The following KCNQ1OT1 variants were observed in gnomAD, a reference collection of about 807,000 sequenced individuals.
KCNQ1OT1 encodes the protein KCNQ1 antisense RNA 2 (non-protein coding).
Position 2,668,146 on chromosome 11 carries a change from G to A in KCNQ1OT1, n.31849C>T. ...GGCAGCCTCTCTATGGGGCTGAAGG[G>A]AGAGTGCTCCCTCATGCTCCTTGCT... On this transcript the variant is annotated non_coding_transcript_exon_variant, in exon 1 of 1. Transcript: ENST00000597346. The surrounding 1 kb of genome is among the most constrained non-coding windows in gnomAD (Gnocchi z 4.3). 2.5e-6 allele frequency: 1 copy of A among 398,646 alleles called. No homozygotes were observed. The highest frequency in any genetic ancestry group is 6.3e-4 in the Middle Eastern group (1 of 1,588). 24.7% of individuals were successfully genotyped at this position (398,646 alleles called of 1,614,324 possible).
At position 2,614,401 on chromosome 11, in the gene KCNQ1OT1, T is replaced by G. The variant is rs549087275; in HGVS notation, n.85594A>C. The G allele has an allele frequency of 4.3e-5, 17 of 398,602 alleles. No individual in the cohort carries two copies. In the Admixed American group the frequency reaches 6.6e-4, roughly 15 times the overall value. The allele number at this position is 398,602 out of a possible 1,614,324, so 24.7% of individuals were successfully genotyped here. A position where few individuals can be genotyped will look rare whatever the true frequency, so the allele number is the denominator to read the frequency against. ...CCATTTCAAAATGTACAATTCAGTG[T>G]CACTTAGTACATTTACAATATTGTG... is the stretch of plus-strand genomic sequence containing the variant. On this transcript the variant is annotated non_coding_transcript_exon_variant, in exon 1 of 1. Coordinates refer to ENST00000597346, the Ensembl canonical transcript of KCNQ1OT1.
exon 1 of KCNQ1OT1, chr11:2,675,333 C>T (rs1850274740): frequency 2.5e-6 from 1 of 398,320 alleles, no homozygotes; most frequent in Admixed American, 4.4e-5. Context: ...GGATCTAAGT[C>T]ATATTTTTTT....
At position 2,608,598 on chromosome 11, in the gene KCNQ1OT1, A is replaced by G. The variant is rs1301642593; in HGVS notation, n.91397T>C. 8 of 398,356 alleles carry G rather than the reference A, an allele frequency of 2.0e-5. No individual in the cohort carries two copies. Among genetic ancestry groups the G allele is most frequent in the Non-Finnish European group, 3.1e-5 (7 of 226,062 alleles). The allele number at this position is 398,356 out of a possible 1,614,324, so 24.7% of individuals were successfully genotyped here. A position where few individuals can be genotyped will look rare whatever the true frequency, so the allele number is the denominator to read the frequency against. On this transcript the variant is annotated non_coding_transcript_exon_variant, in exon 1 of 1. Transcript: ENST00000597346. The surrounding 1 kb of genome is among the most constrained non-coding windows in gnomAD (Gnocchi z 4.6). Reference sequence around the variant, plus strand: ...TCAAGTGATCCTTGCCCCTTAGCCTATGACAGGTGTGCACCACAACACCAG... The same window carrying G: ...TCAAGTGATCCTTGCCCCTTAGCCTGTGACAGGTGTGCACCACAACACCAG...
exon 1 of KCNQ1OT1, chr11:2,628,321 T>C (rs1176671996): frequency 1.0e-5 from 4 of 398,606 alleles, no homozygotes; most frequent in East Asian, 3.6e-5. Flanking sequence ...TTTTTGATAA[T>C]AGCGATTCTA....
In KCNQ1OT1 at chr11:2,657,491, AT is replaced by A. The variant is rs1849870770; in HGVS notation, n.42503del. The A allele has an allele frequency of 2.5e-6, 1 of 398,478 alleles. No individual in the cohort carries two copies. The highest frequency in any genetic ancestry group is 4.4e-6 in the Non-Finnish European group (1 of 226,012). The allele number at this position is 398,478 out of a possible 1,614,324, so 24.7% of individuals were successfully genotyped here. ...GTTCTGTTTTCTCTTGTTACCTCAC[AT>A]TTTTTATTTACAGAAGAGAAACAAA... is the stretch of plus-strand genomic sequence containing the variant. On this transcript the variant is annotated non_coding_transcript_exon_variant, in exon 1 of 1. Transcript: ENST00000597346. The surrounding 1 kb of genome is among the most constrained non-coding windows in gnomAD (Gnocchi z 4.8).
chr11:2,608,677 TATTCTTGAACTCCTGGCCACAAGCA>T lies in KCNQ1OT1; in HGVS notation n.91293_91317del, dbSNP rs572426148. 2.1e-3 allele frequency: 855 copies of T among 398,642 alleles called. 5 individuals carry two copies. Among genetic ancestry groups the T allele is most frequent in the African/African-American group, 0.016 (795 of 48,714 alleles). The allele number at this position is 398,642 out of a possible 1,614,324, so 24.7% of individuals were successfully genotyped here. A position where few individuals can be genotyped will look rare whatever the true frequency, so the allele number is the denominator to read the frequency against. ...TAGGGTCTTGCTTTGTTGTGCATGC[TATTCTTGAACTCCTGGCCACAAGCA>T]ATTCTCGAACTCCTGGCCACAAGCA... On this transcript the variant is annotated non_coding_transcript_exon_variant, in exon 1 of 1. Transcript: ENST00000597346. The surrounding 1 kb of genome is among the most constrained non-coding windows in gnomAD (Gnocchi z 4.6).
Position 2,611,147 on chromosome 11 carries a change from G to T in KCNQ1OT1, n.88848C>A, listed in dbSNP as rs554756109. On this transcript the variant is annotated non_coding_transcript_exon_variant, in exon 1 of 1. Coordinates refer to ENST00000597346, the Ensembl canonical transcript of KCNQ1OT1. This position sits in a 1 kb window ranked among gnomAD's most constrained non-coding sequence, Gnocchi z 5.3. The stretch of plus-strand genomic sequence containing the variant: ...TTCTTCCTGTTAAATTTTCCCTTTT[G>T]TCATTGTAAAATGCTTCTCAGTATC... 3 of 398,246 alleles carry T rather than the reference G, an allele frequency of 7.5e-6. No homozygotes were observed. Among genetic ancestry groups the T allele is most frequent in the African/African-American group, 4.1e-5 (2 of 48,616 alleles). 24.7% of individuals were successfully genotyped at this position (398,246 alleles called of 1,614,324 possible).
chr11:2,623,274 C>A lies in KCNQ1OT1; in HGVS notation n.76721G>T, dbSNP rs1849204304. 1 of 398,626 alleles carries A rather than the reference C, an allele frequency of 2.5e-6. No homozygotes were observed. Among genetic ancestry groups the A allele is most frequent in the African/African-American group, 2.1e-5 (1 of 48,628 alleles). The allele number at this position is 398,626 out of a possible 1,614,324, so 24.7% of individuals were successfully genotyped here. On this transcript the variant is annotated non_coding_transcript_exon_variant, in exon 1 of 1. Coordinates refer to ENST00000597346, the Ensembl canonical transcript of KCNQ1OT1. This position sits in a 1 kb window ranked among gnomAD's most constrained non-coding sequence, Gnocchi z 5.2. ...TGAGTCAATTAAACCTCTTTTCTCA[C>A]AAATTACCCAGTCTCAGGTAGTTCT...
Position 2,661,248 on chromosome 11 carries a change from A to C in KCNQ1OT1, n.38747T>G. The C allele has an allele frequency of 2.5e-6, 1 of 399,192 alleles. No individual in the cohort carries two copies. Among genetic ancestry groups the C allele is most frequent in the South Asian group, 1.3e-4 (1 of 7,876 alleles). 24.7% of individuals were successfully genotyped at this position (399,192 alleles called of 1,614,324 possible). Reference sequence around the variant, plus strand: ...GATGAGTACTTAATCCTTTTGCAATAAAATATTTAAATGAAGACAAATATA... The same window carrying C: ...GATGAGTACTTAATCCTTTTGCAATCAAATATTTAAATGAAGACAAATATA... On this transcript the variant is annotated non_coding_transcript_exon_variant, in exon 1 of 1. Transcript: ENST00000597346. The surrounding 1 kb of genome is among the most constrained non-coding windows in gnomAD (Gnocchi z 5.9).
At chr11:2,662,363 T>C (rs1398204481) in exon 1 of KCNQ1OT1, 18 of 549,632 alleles carry the variant, frequency 3.3e-5, no homozygotes, top group Non-Finnish European at 4.2e-5. Context: ...TCTGAGATTG[T>C]TTTTCTCTCC....
In KCNQ1OT1 at chr11:2,661,934, C is replaced by T. The variant is rs28730757; in HGVS notation, n.38061G>A. On this transcript the variant is annotated non_coding_transcript_exon_variant, in exon 1 of 1. Transcript: ENST00000597346. The surrounding 1 kb of genome is among the most constrained non-coding windows in gnomAD (Gnocchi z 5.9). Reference sequence around the variant, plus strand: ...CTGGCAGGTTGGGTGGGAGGCCTAACGTGCTGTCCCCACACTTTCTCCTCA... The same window carrying T: ...CTGGCAGGTTGGGTGGGAGGCCTAATGTGCTGTCCCCACACTTTCTCCTCA... 1,586 of 1,614,102 alleles carry T rather than the reference C, an allele frequency of 9.8e-4. 8 individuals are homozygous for T. In the African/African-American group the frequency reaches 0.011, roughly 11 times the overall value.
rs114495976 is a variant in KCNQ1OT1 at position 2,679,277 on chromosome 11, C to G, written n.20718G>C. The stretch of plus-strand genomic sequence containing the variant: ...CTTGGCTGTGCTCTCCTTTACTAAT[C>G]CATAGCCAAAGACAGGGGCTAATAA... On this transcript the variant is annotated non_coding_transcript_exon_variant, in exon 1 of 1. Coordinates refer to ENST00000597346, the Ensembl canonical transcript of KCNQ1OT1. The surrounding 1 kb of genome is among the most constrained non-coding windows in gnomAD (Gnocchi z 4.8). 3.2e-3 allele frequency: 1,285 copies of G among 398,592 alleles called. 18 individuals carry two copies. The highest frequency in any genetic ancestry group is 0.024 in the African/African-American group (1,149 of 48,730). 24.7% of individuals were successfully genotyped at this position (398,592 alleles called of 1,614,324 possible).
chr11:2,625,909 C>T (rs1228503542), exon 1 of KCNQ1OT1: 7 of 398,392 alleles, frequency 1.8e-5, no homozygotes, highest in Non-Finnish European at 3.1e-5. Flanking sequence ...TTGGTGATGA[C>T]TTTTAGAAGT....
rs1849753511 is a variant in KCNQ1OT1, at chr11:2,651,323, A to G, written n.48672T>C. On this transcript the variant is annotated non_coding_transcript_exon_variant, in exon 1 of 1. Transcript: ENST00000597346. The surrounding 1 kb of genome is among the most constrained non-coding windows in gnomAD (Gnocchi z 6.1). ...TGGGAAGCTGCACAGAACACTCCTC[A>G]GAGTTCTACAAGCGGCTGAGAGAGC... The G allele has an allele frequency of 1.0e-5, 4 of 398,596 alleles. No homozygotes were observed. The South Asian group carries it at 5.1e-4, about 51-fold the overall frequency. The allele number at this position is 398,596 out of a possible 1,614,324, so 24.7% of individuals were successfully genotyped here. A position where few individuals can be genotyped will look rare whatever the true frequency, so the allele number is the denominator to read the frequency against.
chr11:2,692,472 T>G, exon 1 of KCNQ1OT1: 1 of 398,742 alleles, frequency 2.5e-6, no homozygotes, highest in Non-Finnish European at 4.4e-6. Context: ...GCAGCTGCCT[T>G]TCTGGTAGTT....
exon 1 of KCNQ1OT1, chr11:2,631,252 C>T (rs1398157681): frequency 1.0e-5 from 4 of 398,396 alleles, no homozygotes; most frequent in African/African-American, 4.1e-5. Context: ...CCCATAAATC[C>T]TGTAAACTTC....
rs140711836 is a variant in KCNQ1OT1 at position 2,657,899 on chromosome 11, C to T, written n.42096G>A. 1.5e-4 allele frequency: 61 copies of T among 398,582 alleles called. No individual in the cohort carries two copies. In the East Asian group the frequency reaches 2.1e-3, roughly 14 times the overall value. The allele number at this position is 398,582 out of a possible 1,614,324, so 24.7% of individuals were successfully genotyped here. ...GGCCAGTGAGGTGAGATGCTTTCCT[C>T]ATTGTGGAACATGACATCAACATGG... On this transcript the variant is annotated non_coding_transcript_exon_variant, in exon 1 of 1. Transcript: ENST00000597346. The surrounding 1 kb of genome is among the most constrained non-coding windows in gnomAD (Gnocchi z 4.8).
At chr11:2,680,257 C>T (rs998120866) in exon 1 of KCNQ1OT1, 1 of 396,776 alleles carries the variant, frequency 2.5e-6, no homozygotes, top group African/African-American at 2.1e-5. Flanking sequence ...ATTCATATCC[C>T]ATTGGCATTT....
exon 1 of KCNQ1OT1, chr11:2,609,065 T>C (rs1482082856): frequency 2.5e-6 from 1 of 398,334 alleles, no homozygotes; most frequent in Non-Finnish European, 4.4e-6. Context: ...TTTTTTCTAC[T>C]TGCTTTAGGT....
Sources: gnomAD v4.1 joint callset for allele counts on GRCh38, gnomAD v4.1.1 for gene constraint, Gnocchi (gnomAD v3.1) non-coding constraint, MANE v1.5 for transcripts, NCBI Gene and HGNC (gene_info 2026-07-23, HGNC 2026-07-21) for gene names.